The following ANAPC2 variants were observed in gnomAD, a reference collection of about 807,000 sequenced individuals.
ANAPC2 encodes anaphase promoting complex subunit 2.
A neutral mutation model predicts 84.3 loss-of-function variants in ANAPC2; 29 were observed. That is an observed-to-expected ratio of 0.34 (90% CI 0.26 to 0.47). The LOEUF is 0.47. Ranked by LOEUF, ANAPC2 falls within the 20% of genes least tolerant of loss-of-function variation. The pLI is 1.00. For synonymous variants in ANAPC2, 571 were observed against 479.4 expected (o/e 1.19, Z -2.50); for missense variants, 857 against 1,131.7 (o/e 0.76, Z 3.48).
chr9:137,186,190 C>A, intron 3 of ANAPC2, 34 bp downstream of exon 3: 1 of 1,605,846 alleles, frequency 6.2e-7, no homozygotes, highest in Non-Finnish European at 8.5e-7. Context: ...TCCCCTGTCT[C>A]CAGCGGGGCA....
chr9:137,184,874 C>T, intron 4 of ANAPC2, 39 bp downstream of exon 4: 1 of 1,603,400 alleles, frequency 6.2e-7, no homozygotes, highest in South Asian at 1.1e-5. Flanking sequence ...GAAGACTCCC[C>T]AGACGGGAGA....
intron 5 of ANAPC2, 138 bp from the exon 6 acceptor site, chr9:137,183,380 A>G: frequency 1.2e-6 from 1 of 820,052 alleles, no homozygotes; most frequent in East Asian, 2.5e-5. Context: ...TTGTCCCCCC[A>G]TCCCCACCTC....
Position 137,175,849 on chromosome 9 carries a change from C to T in ANAPC2, c.1891-12G>A, listed in dbSNP as rs2131328391. ...AGGGTCCGCATGGCCTAAGGAGGGC[C>T]AGGGTCAGCACGGGCAGCTCGGCTG... On this transcript the variant is annotated splice_polypyrimidine_tract_variant and intron_variant, in intron 10 of 12. Coordinates refer to ENST00000323927, the MANE Select transcript of ANAPC2 (RefSeq NM_013366.4). 1 of 1,597,756 alleles carries T rather than the reference C, an allele frequency of 6.3e-7. No homozygotes were observed. Among genetic ancestry groups the T allele is most frequent in the Non-Finnish European group, 8.5e-7 (1 of 1,172,030 alleles).
intron 2 of ANAPC2, chr9:137,187,143 G>C (rs1168038658): frequency 3.3e-6 from 1 of 300,378 alleles, no homozygotes; most frequent in African/African-American, 2.1e-5. Flanking sequence ...GAATGTCGAC[G>C]AGGGTGAGAA....
At chr9:137,186,069 G>A (rs977323897) in intron 3 of ANAPC2, among the ~76,000 whole-genome samples, 155 bp downstream of exon 3, 4 of 152,140 alleles carry the variant, frequency 2.6e-5, no homozygotes, top group Admixed American at 2.0e-4. Context: ...CAGAAGTACT[G>A]GTCTCTACCC....
intron 6 of ANAPC2, 41 bp downstream of exon 6, chr9:137,183,084 C>G: frequency 2.0e-6 from 3 of 1,528,910 alleles, no homozygotes; most frequent in Non-Finnish European, 1.8e-6. Flanking sequence ...CAGCAGGATG[C>G]CCAGGGTCCC....
chr9:137,175,579 C>T, intron 11 of ANAPC2, 107 bp from the exon 12 acceptor site: 1 of 1,484,052 alleles, frequency 6.7e-7, no homozygotes, highest in Non-Finnish European at 9.0e-7. Context: ...CCTGCCTTGC[C>T]CGTGGGAAAG....
chr9:137,179,600 C>T (rs1228035577), intron 10 of ANAPC2, among the ~76,000 whole-genome samples: 1 of 152,238 alleles, frequency 6.6e-6, no homozygotes, highest in Non-Finnish European at 1.5e-5. Context: ...CTCACTCCTC[C>T]ACTCCCCACA....
intron 8 of ANAPC2, 80 bp downstream of exon 8, chr9:137,180,708 G>A (rs1247337486): frequency 1.4e-5 from 22 of 1,574,630 alleles, no homozygotes; most frequent in South Asian, 3.4e-5. Flanking sequence ...CCCCAGGCAC[G>A]GCGTCAGGGC....
intron 10 of ANAPC2, chr9:137,176,715 G>A (rs1834222807): frequency 6.6e-6 from 1 of 152,290 alleles, no homozygotes; most frequent in Non-Finnish European, 1.5e-5. Flanking sequence ...GTCTCAGATG[G>A]AAATGACCGT....
rs746860510 is a variant in ANAPC2, at chr9:137,183,112, C to A, written c.1286+13G>T. 1.2e-5 allele frequency: 19 copies of A among 1,605,494 alleles called. No homozygotes were observed. The highest frequency in any genetic ancestry group is 1.7e-4 in the Middle Eastern group (1 of 6,032). Reference sequence around the variant, plus strand: ...AGGGTCCCAGTGGCTCCTGGGCCAGCTGCAGCCCTCACCTCAGGTAGCGGC... The same window carrying A: ...AGGGTCCCAGTGGCTCCTGGGCCAGATGCAGCCCTCACCTCAGGTAGCGGC... On this transcript the variant is annotated intron_variant, in intron 6 of 12. Transcript: ENST00000323927.
At chr9:137,186,556 A>T in intron 2 of ANAPC2, 200 bp from the exon 3 acceptor site, 1 of 716,614 alleles carries the variant, frequency 1.4e-6, no homozygotes, top group Non-Finnish European at 2.2e-6. Flanking sequence ...GGGAGCACAG[A>T]GCACTCCCAG....
At position 137,183,701 on chromosome 9, in the gene ANAPC2, G is replaced by T. The variant is rs750041341; in HGVS notation, c.1139C>A (p.Ala380Asp). 15 of 1,612,554 alleles carry T rather than the reference G, an allele frequency of 9.3e-6. No homozygotes were observed. In the Admixed American group the frequency reaches 1.8e-4, roughly 20 times the overall value. Residue 380 changes from alanine (A) to aspartate (D), a missense_variant, in exon 5 of 13, where the codon GCT becomes GAT. Around this residue, in one of 3 missense-constraint regions of ANAPC2, gnomAD observed 428 missense variants for 513.8 expected, o/e 0.83. Coordinates refer to ENST00000323927, the MANE Select transcript of ANAPC2 (RefSeq NM_013366.4). Reference sequence around the variant, plus strand: ...ATGCAGGAGCCGAGTCTCCAGGGCAGCCTTGAGGGACACGAGCAGCTGCTG... The same window carrying T: ...ATGCAGGAGCCGAGTCTCCAGGGCATCCTTGAGGGACACGAGCAGCTGCTG... ...QRQQLLVSLK[A>D]ALETRLLHPG...
intron 3 of ANAPC2, 143 bp downstream of exon 3, chr9:137,186,081 A>G (rs1009657960): frequency 1.7e-5 from 20 of 1,161,518 alleles, no homozygotes; most frequent in Admixed American, 2.4e-5. Flanking sequence ...TCTCTACCCC[A>G]CATCAAGACA....
In ANAPC2 at chr9:137,175,171, GC is replaced by G; in HGVS notation, c.2257-18del. Reference sequence around the variant, plus strand: ...CCAGAAGAGCTGCGGACACAGGCCAGCCCCCGTCAGGCACCTGCAGGCCTCG... The same window carrying G: ...CCAGAAGAGCTGCGGACACAGGCCAGCCCCGTCAGGCACCTGCAGGCCTCG... On this transcript the variant is annotated intron_variant, in intron 12 of 12. Transcript: ENST00000323927. 3 of 1,603,056 alleles carry G rather than the reference GC, an allele frequency of 1.9e-6. No individual in the cohort carries two copies. The highest frequency in any genetic ancestry group is 2.6e-6 in the Non-Finnish European group (3 of 1,175,486).
In ANAPC2 at chr9:137,188,204, C is replaced by T; in HGVS notation, c.118-101G>A. 7 of 1,456,100 alleles carry T rather than the reference C, an allele frequency of 4.8e-6. No homozygotes were observed. In the South Asian group the frequency reaches 7.8e-5, roughly 16 times the overall value. 90.2% of individuals were successfully genotyped at this position (1,456,100 alleles called of 1,614,324 possible). On this transcript the variant is annotated intron_variant, in intron 1 of 12. Transcript: ENST00000323927. The stretch of plus-strand genomic sequence containing the variant: ...GGGGGAGGCTGCAAAAACTCCGCTG[C>T]CCCCTGTCCGTGCTGCCCGGACGTT...
rs759918416 is a variant in ANAPC2, at chr9:137,187,528, G to A, written c.693C>T (p.Cys231=). 8.7e-6 allele frequency: 14 copies of A among 1,613,212 alleles called. No homozygotes were observed. The Admixed American group carries it at 2.3e-4, about 27-fold the overall frequency. The change falls in exon 2 of 13, where the codon TGC becomes TGT. Residue 231 remains cysteine (C), a synonymous_variant. Coordinates refer to ENST00000323927, the MANE Select transcript of ANAPC2 (RefSeq NM_013366.4). The part of the protein sequence containing the change: ...CAGCSSDKQQ[C]WCRQALEQFH... ...ACTGCTCCAGAGCCTGGCGACACCA[G>A]CACTGTTGCTTGTCACTGCTGCACC...
rs1834503143 is a variant in ANAPC2, at chr9:137,187,537, C to T, written c.684G>A (p.Lys228=). ...SPLCAGCSSD[K]QQCWCRQALE... is the part of the protein sequence containing the mutation. ...GAGCCTGGCGACACCAGCACTGTTG[C>T]TTGTCACTGCTGCACCCTGCACACA... The change falls in exon 2 of 13, where the codon AAG becomes AAA. Residue 228 remains lysine (K), a synonymous_variant. Transcript: ENST00000323927. 1 of 1,613,470 alleles carries T rather than the reference C, an allele frequency of 6.2e-7. No homozygotes were observed.
intron 10 of ANAPC2, chr9:137,176,181 A>G (rs879702699): frequency 3.4e-5 from 6 of 176,444 alleles, no homozygotes; most frequent in Non-Finnish European, 5.3e-5. Context: ...TAAGAAAAGG[A>G]AAGATAGGAA....
Sources: allele counts gnomAD v4.1 joint callset (sites outside exome capture counted in the v4.1 genomes callset), GRCh38; gene constraint gnomAD v4.1.1; regional missense constraint gnomAD v4.1.1; transcripts MANE v1.5; gene names NCBI Gene and HGNC (gene_info 2026-07-23, HGNC 2026-07-21).